Variants in DYNC2I1 observed in about 807,000 individuals in gnomAD.
DYNC2I1 encodes the protein dynein 2 intermediate chain 1.
In DYNC2I1, 89 loss-of-function variants were observed where a neutral mutation model predicts 133.4. The ratio of observed to expected loss-of-function variants is 0.67; its 90% confidence interval spans 0.56 to 0.80. DYNC2I1 has a LOEUF of 0.80. Among genes scored for constraint, DYNC2I1 ranks in the 30% least tolerant of loss-of-function variants. DYNC2I1 has a pLI of 0.00. For synonymous variants in DYNC2I1, 504 were observed against 484.3 expected (o/e 1.04, Z -0.54); for missense variants, 1,291 against 1,314.5 (o/e 0.98, Z 0.28).
At chr7:158,872,326 C>T (rs1428019190) in intron 3 of DYNC2I1, among the ~76,000 whole-genome samples, 1 of 151,778 alleles carries the variant, frequency 6.6e-6, no homozygotes, top group African/African-American at 2.4e-5. Flanking sequence ...AAAAGAAAAA[C>T]AAAAGCTCTA....
intron 14 of DYNC2I1, among the ~76,000 whole-genome samples, chr7:158,917,688 C>G (rs903261113): frequency 6.7e-6 from 1 of 149,502 alleles, no homozygotes; most frequent in African/African-American, 2.5e-5. Flanking sequence ...CCACCCTCCA[C>G]CTCTCACTAA....
chr7:158,901,349 GGT>G (rs1259594644), intron 8 of DYNC2I1, among the ~76,000 whole-genome samples: 1 of 152,196 alleles, frequency 6.6e-6, no homozygotes, highest in Non-Finnish European at 1.5e-5. Flanking sequence ...TGGGATTAAA[GGT>G]GTGAGCCACA....
Position 158,887,023 on chromosome 7 carries a change from A to G in DYNC2I1, c.938A>G (p.His313Arg). The change falls in exon 7 of 25, where the codon CAT becomes CGT. Residue 313 changes from histidine (H) to arginine (R), a missense_variant and splice_region_variant. His to Arg is a conservative substitution (Grantham distance 29, BLOSUM62 0). Transcript: ENST00000407559. ...SSKRDGTSSQ[H>R]AENLVRNHGK... ...TTTTGATTATGTTTGCTTTCCAGGC[A>G]TGCTGAGAATTTAGTAAGGAATCAT... The G allele has an allele frequency of 1.9e-6, 3 of 1,613,922 alleles. No individual in the cohort carries two copies. The highest frequency in any genetic ancestry group is 2.5e-6 in the Non-Finnish European group (3 of 1,179,810).
chr7:158,849,069 T>C, the DYNC2I1 span, among the ~76,000 whole-genome samples: 197 of 152,290 alleles, frequency 1.3e-3, 1 homozygote, highest in Non-Finnish European at 2.4e-3. Context: ...AAAGCTTACA[T>C]TGAGGCACAT....
chr7:158,858,145 C>T (rs908604806), intron 1 of DYNC2I1, among the ~76,000 whole-genome samples: 2 of 152,120 alleles, frequency 1.3e-5, no homozygotes, highest in African/African-American at 4.8e-5. Flanking sequence ...AAGCTACTGC[C>T]CTGCACTCCC....
chr7:158,871,659 C>G (rs537077293), intron 3 of DYNC2I1, 97 bp downstream of exon 3: 6 of 1,310,232 alleles, frequency 4.6e-6, no homozygotes, highest in East Asian at 2.5e-5. Flanking sequence ...CTCTCTCCCC[C>G]GCTTCCCTCC....
rs61747095 is a variant in DYNC2I1 at position 158,926,415 on chromosome 7, G to A, written c.2385G>A (p.Leu795=). ...PFSTQEEMSG[L]SFHIASLDES... ...TGTCTTCATCAGAAATGTCAGGTTT[G>A]TCCTTCCACATCGCTTCCTTGGATG... Residue 795 remains leucine (L), a synonymous_variant, in exon 19 of 25, where the codon TTG becomes TTA. Coordinates refer to ENST00000407559, the MANE Select transcript of DYNC2I1 (RefSeq NM_018051.5). The A allele has an allele frequency of 6.7e-3, 10,865 of 1,613,102 alleles. 592 individuals carry two copies. In the African/African-American group the frequency reaches 0.12, roughly 18 times the overall value.
chr7:158,867,650 C>T (rs538618706), intron 1 of DYNC2I1, among the ~76,000 whole-genome samples: 16 of 151,836 alleles, frequency 1.1e-4, no homozygotes, highest in Non-Finnish European at 2.1e-4. Flanking sequence ...TTGGGGGTGG[C>T]GTGGGGGGAC....
chr7:158,856,755 G>GT lies in DYNC2I1; in HGVS notation c.15+6dup. On this transcript the variant is annotated splice_donor_region_variant and intron_variant, in intron 1 of 24. Transcript: ENST00000407559. ...GAAGCGATGGAGCCCGGGAAGGTCG[G>GT]TGCGGCGCTGGGTCTGGGCGAGGGG... is the stretch of plus-strand genomic sequence containing the variant. The GT allele has an allele frequency of 8.1e-7, 1 of 1,234,750 alleles. No homozygotes were observed. Among genetic ancestry groups the GT allele is most frequent in the East Asian group, 3.2e-5 (1 of 31,620 alleles). The allele number at this position is 1,234,750 out of a possible 1,614,324, so 76.5% of individuals were successfully genotyped here.
At chr7:158,907,593 C>T (rs1286191245) in intron 11 of DYNC2I1, among the ~76,000 whole-genome samples, 4 of 151,262 alleles carry the variant, frequency 2.6e-5, no homozygotes, top group African/African-American at 9.7e-5. Flanking sequence ...GTTCCCTTTC[C>T]TTTCCCTTTT....
chr7:158,877,147 G>A (rs1296271744), intron 4 of DYNC2I1, among the ~76,000 whole-genome samples: 1 of 152,198 alleles, frequency 6.6e-6, no homozygotes, highest in Non-Finnish European at 1.5e-5. Context: ...GTTTCGCGGT[G>A]CGGGTGTGTT....
chr7:158,896,987 T>C (rs1042550932), intron 8 of DYNC2I1, among the ~76,000 whole-genome samples: 9 of 144,734 alleles, frequency 6.2e-5, no homozygotes, highest in Non-Finnish European at 1.4e-4. Context: ...TATAATTTCT[T>C]TTTTTTTTTT....
At chr7:158,883,901 T>TG (rs1348695576) in intron 5 of DYNC2I1, among the ~76,000 whole-genome samples, 1 of 151,280 alleles carries the variant, frequency 6.6e-6, no homozygotes, top group Non-Finnish European at 1.5e-5. Context: ...CCTGACCTCG[T>TG]GATCCGCCCG....
chr7:158,880,176 G>T (rs1349130000), intron 5 of DYNC2I1, among the ~76,000 whole-genome samples, 187 bp downstream of exon 5: 2 of 152,198 alleles, frequency 1.3e-5, no homozygotes, highest in Non-Finnish European at 2.9e-5. Flanking sequence ...CCTAAGGAAT[G>T]TGCTGTCACA....
chr7:158,955,481 G>C (rs1309150588), intron 4 of DYNC2I1, among the ~76,000 whole-genome samples: 2 of 152,184 alleles, frequency 1.3e-5, no homozygotes, highest in Non-Finnish European at 2.9e-5. Context: ...GAGTCTTGGG[G>C]TAATAGCCTA....
Position 158,914,306 on chromosome 7 carries a change from G to A in DYNC2I1, c.1776G>A (p.Leu592=). Residue 592 remains leucine, a synonymous_variant, in exon 14 of 25, where the codon CTG becomes CTA. Coordinates refer to ENST00000407559, the MANE Select transcript of DYNC2I1 (RefSeq NM_018051.5). ...KIDTPRLCSF[L]RAACQVMAVL... ...ATACTCCAAGGTTATGTAGCTTTCTGCGGGCTGCTTGTCAGGTATACTCAA... is the reference window on the plus strand; with the variant it reads ...ATACTCCAAGGTTATGTAGCTTTCTACGGGCTGCTTGTCAGGTATACTCAA... The A allele has an allele frequency of 6.2e-7, 1 of 1,611,570 alleles. No individual in the cohort carries two copies. The highest frequency in any genetic ancestry group is 8.5e-7 in the Non-Finnish European group (1 of 1,178,740).
chr7:158,877,647 G>A (rs1843491162), intron 4 of DYNC2I1, among the ~76,000 whole-genome samples: 1 of 152,092 alleles, frequency 6.6e-6, no homozygotes, highest in Admixed American at 6.5e-5. Context: ...TTAAAAGCAG[G>A]TTTACTGTCT....
downstream of DYNC2I1, among the ~76,000 whole-genome samples, chr7:158,947,281 G>A (rs893260442): frequency 6.6e-6 from 1 of 152,128 alleles, no homozygotes; most frequent in East Asian, 1.9e-4. Context: ...TGGACACACG[G>A]CCTCTCGAGT....
chr7:158,915,645 C>T (rs1168600084), intron 14 of DYNC2I1, among the ~76,000 whole-genome samples: 1 of 102,206 alleles, frequency 9.8e-6, no homozygotes, highest in Non-Finnish European at 2.0e-5. Context: ...ATTGTGAAAC[C>T]TCGACACGGT....
Sources: gnomAD v4.1 joint callset for allele counts (sites outside exome capture counted in the v4.1 genomes callset) on GRCh38, gnomAD v4.1.1 for gene constraint, MANE v1.5 for transcripts, NCBI Gene and HGNC (gene_info 2026-07-23, HGNC 2026-07-21) for gene names.